The following MED12L variants were observed in gnomAD, a reference collection of about 807,000 sequenced individuals.
MED12L encodes the protein mediator complex subunit 12L.
In MED12L, 60 loss-of-function variants were observed where a neutral mutation model predicts 281.3. That is an observed-to-expected ratio of 0.21 (90% CI 0.17 to 0.26). The LOEUF is 0.26. Ranked by LOEUF, MED12L falls within the 10% of genes least tolerant of loss-of-function variation. The pLI, the probability that MED12L is intolerant of heterozygous loss-of-function variation, is 1.00. For synonymous variants in MED12L, 974 were observed against 987.2 expected (o/e 0.99, Z 0.25); for missense variants, 2,146 against 2,680.9 (o/e 0.80, Z 4.41).
intron 16 of MED12L, among the ~76,000 whole-genome samples, chr3:151,341,917 T>G (rs972840133): frequency 6.6e-6 from 1 of 152,206 alleles, no homozygotes. Context: ...TCATCATTTT[T>G]TATGGCTGCA....
intron 16 of MED12L, among the ~76,000 whole-genome samples, chr3:151,278,718 A>T (rs1742315521): frequency 6.6e-6 from 1 of 152,190 alleles, no homozygotes; most frequent in Admixed American, 6.5e-5. Flanking sequence ...ACTGATGTGT[A>T]AGATATGGTT....
intron 19 of MED12L, among the ~76,000 whole-genome samples, chr3:151,356,613 T>G (rs930634031): frequency 2.0e-5 from 3 of 152,006 alleles, no homozygotes. Context: ...GAGTTTTGAG[T>G]GTTTCTTCTG....
Position 151,369,466 on chromosome 3 carries a change from G to C in MED12L, c.3581G>C (p.Cys1194Ser). Reference protein sequence around the residue: ...GKPFPGIRSSCDRHLLAAAHN... With the variant: ...GKPFPGIRSSSDRHLLAAAHN... ...CCTTTCCCTGGAATAAGATCATCTT[G>C]TGATAGACACCTCTTAGCCGCTGCT... Residue 1194 changes from cysteine (C) to serine (S), a missense_variant, in exon 26 of 45, where the codon TGT (cysteine) becomes TCT (serine). Physicochemically the swap from Cys to Ser is moderately radical, Grantham distance 112. Coordinates refer to ENST00000687756, the MANE Select transcript of MED12L (RefSeq NM_001393769.1). 1 of 1,610,368 alleles carries C rather than the reference G, an allele frequency of 6.2e-7. No individual in the cohort carries two copies. The highest frequency in any genetic ancestry group is 8.5e-7 in the Non-Finnish European group (1 of 1,177,846).
intron 5 of MED12L, among the ~76,000 whole-genome samples, chr3:151,151,031 C>CTTTTTTTTTCTTTT (rs1718404126): frequency 3.0e-5 from 1 of 32,880 alleles, no homozygotes; most frequent in Non-Finnish European, 5.4e-5. Flanking sequence ...GCTGAAGTAG[C>CTTTTTTTTTCTTTT]TTTTTTTTTT....
chr3:151,422,467 C>T (rs890085059), intron 43 of MED12L, among the ~76,000 whole-genome samples: 1 of 152,154 alleles, frequency 6.6e-6, no homozygotes, highest in Non-Finnish European at 1.5e-5. Flanking sequence ...GTGGAAGCAG[C>T]ACCCTGAGCT....
In MED12L at chr3:151,086,792, C is replaced by T. The variant is rs757501345; in HGVS notation, c.-129-6C>T. On this transcript the variant is annotated splice_polypyrimidine_tract_variant and splice_region_variant and intron_variant, in intron 1 of 44. Transcript: ENST00000687756. The stretch of plus-strand genomic sequence containing the variant: ...ATCCAACCTGCTTTATTCCTCCTGC[C>T]TGCAGCGCCACAGCGAGCGAGCGAG... 4.5e-6 allele frequency: 3 copies of T among 669,210 alleles called. No homozygotes were observed. The highest frequency in any genetic ancestry group is 5.1e-6 in the Non-Finnish European group (2 of 394,240). 41.5% of individuals were successfully genotyped at this position (669,210 alleles called of 1,614,324 possible).
chr3:151,355,289 T>G, intron 18 of MED12L, 50 bp downstream of exon 18: 3 of 1,358,090 alleles, frequency 2.2e-6, no homozygotes, highest in Non-Finnish European at 3.1e-6. Flanking sequence ...CTAATTTACT[T>G]AAAAATTTTT....
At chr3:151,175,408 T>C (rs1721924367) in intron 11 of MED12L, among the ~76,000 whole-genome samples, 1 of 152,238 alleles carries the variant, frequency 6.6e-6, no homozygotes, top group South Asian at 2.1e-4. Flanking sequence ...TACGTCCTTT[T>C]ATTTTTAATT....
chr3:151,314,640 G>A (rs1873621), intron 16 of MED12L, among the ~76,000 whole-genome samples: 6,513 of 152,236 alleles, frequency 0.043, 451 homozygotes, highest in African/African-American at 0.15. Flanking sequence ...TTAACATCAC[G>A]TAGCTGGCTA....
intron 5 of MED12L, among the ~76,000 whole-genome samples, chr3:151,150,189 ATG>A (rs1204899586): frequency 1.3e-5 from 2 of 152,216 alleles, no homozygotes; most frequent in Non-Finnish European, 2.9e-5. Flanking sequence ...AATGAAATAT[ATG>A]TCTTAAATAA....
At chr3:151,244,543 G>C (rs530681966) in intron 16 of MED12L, among the ~76,000 whole-genome samples, 1 of 150,688 alleles carries the variant, frequency 6.6e-6, no homozygotes, top group Non-Finnish European at 1.5e-5. Flanking sequence ...AATGAAGGCA[G>C]AAATAAAGAT....
Position 151,163,972 on chromosome 3 carries a change from C to T in MED12L, c.1187C>T (p.Pro396Leu), listed in dbSNP as rs1446360202. 26 of 1,613,656 alleles carry T rather than the reference C, an allele frequency of 1.6e-5. No homozygotes were observed. Among genetic ancestry groups the T allele is most frequent in the Non-Finnish European group, 2.2e-5 (26 of 1,179,806 alleles). Residue 396 changes from proline (P) to leucine (L), a missense_variant, in exon 9 of 45, where the codon CCC becomes CTC. By Grantham distance (98) the Pro-to-Leu change is moderately conservative. Transcript: ENST00000687756. ...AATAAGAGCGCAAACCCAGGCTCACCCCTGGATCTGCTGCAGGTGGCCCCG... is the reference window on the plus strand; with the variant it reads ...AATAAGAGCGCAAACCCAGGCTCACTCCTGGATCTGCTGCAGGTGGCCCCG... Reference protein sequence around the residue: ...NENKSANPGSPLDLLQVAPSS... With the variant: ...NENKSANPGSLLDLLQVAPSS...
intron 16 of MED12L, among the ~76,000 whole-genome samples, chr3:151,226,015 T>G (rs1730423636): frequency 6.6e-6 from 1 of 152,202 alleles, no homozygotes; most frequent in Non-Finnish European, 1.5e-5. Flanking sequence ...TATAAAGCCG[T>G]CAGAACATGC....
intron 12 of MED12L, among the ~76,000 whole-genome samples, chr3:151,187,292 A>G (rs1292592694): frequency 3.9e-5 from 6 of 152,164 alleles, no homozygotes; most frequent in South Asian, 2.1e-4. Context: ...TCTGTATTGC[A>G]TATGTGTTTT....
intron 8 of MED12L, among the ~76,000 whole-genome samples, chr3:151,161,013 T>C (rs1719911636): frequency 6.6e-6 from 1 of 152,196 alleles, no homozygotes; most frequent in Non-Finnish European, 1.5e-5. Context: ...TAGTGGGACA[T>C]ACATTATAAA....
intron 25 of MED12L, among the ~76,000 whole-genome samples, chr3:151,368,723 T>A (rs764629988): frequency 1.1e-5 from 1 of 88,532 alleles, no homozygotes. Flanking sequence ...TCATTTCATT[T>A]CATTTCATTT....
chr3:151,212,932 A>G (rs1727415235), intron 16 of MED12L: 2 of 154,714 alleles, frequency 1.3e-5, no homozygotes. Context: ...TTAGAGAAAG[A>G]AGATGCCTGA....
At chr3:151,378,324 T>C (rs12497065) in intron 31 of MED12L, 151 bp downstream of exon 31, 257,009 of 779,478 alleles carry the variant, frequency 0.33, 46,721 homozygotes, top group Non-Finnish European at 0.36. Context: ...CAAGGCTGTC[T>C]TATTCCTAAA....
chr3:151,096,608 G>C (rs9829728), intron 2 of MED12L, among the ~76,000 whole-genome samples: 47,209 of 152,060 alleles, frequency 0.31, 9,532 homozygotes, highest in African/African-American at 0.57. Flanking sequence ...GGAGGAAGAA[G>C]CCTGTTCTGT....
Sources: allele counts gnomAD v4.1 joint callset (sites outside exome capture counted in the v4.1 genomes callset), GRCh38; gene constraint gnomAD v4.1.1; transcripts MANE v1.5; gene names NCBI Gene and HGNC (gene_info 2026-07-23, HGNC 2026-07-21).